RBMS3: variants seen among roughly 807,000 people sequenced by gnomAD.
RBMS3 encodes RNA binding motif single stranded interacting protein 3.
RBMS3 carries 27 observed loss-of-function variants against 66.8 expected under a neutral mutation model. The ratio of observed to expected loss-of-function variants is 0.40; its 90% CI spans 0.30 to 0.56. RBMS3 has a LOEUF of 0.56. Ranked by LOEUF, RBMS3 falls within the 20% of genes least tolerant of loss-of-function variation. The pLI, the probability that RBMS3 is intolerant of heterozygous loss-of-function variation, is 0.40. For synonymous variants in RBMS3, 188 were observed against 183.0 expected, an observed-to-expected ratio of 1.03 and a Z score of -0.22; for missense variants, 513 against 549.5, an observed-to-expected ratio of 0.93 and a Z score of 0.66.
At chr3:29,790,752 T>C (rs558020853) in intron 6 of RBMS3, among the ~76,000 whole-genome samples, 84 of 152,290 alleles carry the variant, frequency 5.5e-4, no homozygotes, top group South Asian at 2.5e-3. Flanking sequence ...GCTTTTTGAG[T>C]CAGTTATCGG....
At chr3:29,923,644 A>G (rs1291903156) in intron 10 of RBMS3, among the ~76,000 whole-genome samples, 1 of 152,208 alleles carries the variant, frequency 6.6e-6, no homozygotes, top group African/African-American at 2.4e-5. Flanking sequence ...CTGGTTCTGA[A>G]TAATTTTCTT....
At chr3:29,743,802 T>A (rs1264986737) in intron 5 of RBMS3, among the ~76,000 whole-genome samples, 2 of 151,642 alleles carry the variant, frequency 1.3e-5, no homozygotes, top group African/African-American at 2.4e-5. Flanking sequence ...TGTGCAGGTT[T>A]GTTAGATATG....
chr3:29,694,753 G>A (rs2052185868), intron 4 of RBMS3, among the ~76,000 whole-genome samples: 1 of 151,648 alleles, frequency 6.6e-6, no homozygotes. Context: ...CTAAAGAGGA[G>A]GAAGCATAAA....
chr3:29,392,974 CAGATTCACCCTGCTGAATTTTTTTT>C (rs1249196968), intron 1 of RBMS3, among the ~76,000 whole-genome samples: 1 of 152,016 alleles, frequency 6.6e-6, no homozygotes, highest in East Asian at 1.9e-4. Context: ...ATGTCAGGGT[CAGATTCACCCTGCTGAATTTTTTTT>C]CCTCCTTTCT....
chr3:29,764,746 G>A (rs1023304603), intron 6 of RBMS3, among the ~76,000 whole-genome samples: 2 of 151,974 alleles, frequency 1.3e-5, no homozygotes, highest in Non-Finnish European at 2.9e-5. Context: ...ATTTAATGCT[G>A]AAGACAAAGA....
In RBMS3 at chr3:29,527,183, A is replaced by T. The variant is rs936963310; in HGVS notation, c.307+38684A>T. ...TCAGACGTGATTGTTAGGTAGAGTAAAAAAAAAAAAAAAAAAAAAAAAAAA... is the reference window on the plus strand; with the variant it reads ...TCAGACGTGATTGTTAGGTAGAGTATAAAAAAAAAAAAAAAAAAAAAAAAA... On this transcript the variant is annotated intron_variant, in intron 3 of 14. Transcript: ENST00000383767. Among the ~76,000 whole-genome samples the T allele has an allele frequency of 5.6e-3, 229 of 40,932 alleles. 16 individuals carry two copies. Among genetic ancestry groups the T allele is most frequent in the African/African-American group, 0.017 (189 of 11,116 alleles). The allele number at this position is 40,932 out of a possible 152,430, so 26.9% of individuals were successfully genotyped here. A position where few individuals can be genotyped will look rare whatever the true frequency, so the allele number is the denominator to read the frequency against.
rs187970096 is a variant in RBMS3, at chr3:29,383,494, G to T, written c.76-51249G>T. ...TTCCATGACACTTGTAAATTGATTTGCCAAGAAGGGTAAAAAAAATCAATG... is the reference window on the plus strand; with the variant it reads ...TTCCATGACACTTGTAAATTGATTTTCCAAGAAGGGTAAAAAAAATCAATG... On this transcript the variant is annotated intron_variant, in intron 1 of 14. Coordinates refer to ENST00000383767, the MANE Select transcript of RBMS3 (RefSeq NM_001003793.3). 2.0e-5 allele frequency among the ~76,000 whole-genome samples: 3 copies of T among 152,230 alleles called. 1 individual carries two copies. Among genetic ancestry groups the T allele is most frequent in the Non-Finnish European group, 4.4e-5 (3 of 68,012 alleles).
chr3:29,457,866 A>G (rs575816734), intron 2 of RBMS3, among the ~76,000 whole-genome samples: 2 of 150,684 alleles, frequency 1.3e-5, no homozygotes, highest in South Asian at 4.2e-4. Context: ...CTCACCTCAA[A>G]TAACTATGAT....
At chr3:29,736,986 G>A (rs987949686) in intron 4 of RBMS3, among the ~76,000 whole-genome samples, 1 of 148,804 alleles carries the variant, frequency 6.7e-6, no homozygotes, top group Non-Finnish European at 1.5e-5. Flanking sequence ...AACACAAAGT[G>A]TTTTTTTTTT....
chr3:29,381,725 A>T (rs2038771946), intron 1 of RBMS3, among the ~76,000 whole-genome samples: 1 of 152,154 alleles, frequency 6.6e-6, no homozygotes, highest in African/African-American at 2.4e-5. Flanking sequence ...AGAGAGGTTT[A>T]TTTTGTTCCC....
chr3:29,874,256 G>A (rs1034251653), intron 7 of RBMS3, among the ~76,000 whole-genome samples: 1 of 152,156 alleles, frequency 6.6e-6, no homozygotes, highest in African/African-American at 2.4e-5. Flanking sequence ...TGACATTTCA[G>A]AGACATAGAA....
At chr3:29,886,140 CA>C (rs2059864396) in intron 8 of RBMS3, among the ~76,000 whole-genome samples, 1 of 151,732 alleles carries the variant, frequency 6.6e-6, no homozygotes, top group South Asian at 2.1e-4. Flanking sequence ...AATGTCATCA[CA>C]AAAAATAAAA....
intron 3 of RBMS3, among the ~76,000 whole-genome samples, chr3:29,525,318 A>C (rs1448026057): frequency 6.6e-6 from 1 of 152,100 alleles, no homozygotes; most frequent in Non-Finnish European, 1.5e-5. Context: ...CTGTGAGCAC[A>C]TTTTTTTATT....
chr3:29,945,136 G>A (rs1388498970), intron 12 of RBMS3, among the ~76,000 whole-genome samples: 1 of 151,576 alleles, frequency 6.6e-6, no homozygotes, highest in Non-Finnish European at 1.5e-5. Context: ...ATGTCAGACA[G>A]CAAGGTCATA....
chr3:29,450,465 A>G (rs953732722), intron 2 of RBMS3, among the ~76,000 whole-genome samples: 1 of 152,226 alleles, frequency 6.6e-6, no homozygotes, highest in South Asian at 2.1e-4. Context: ...AGTGCACACT[A>G]AAGTATTAAT....
At chr3:29,795,609 A>G (rs1169079097) in intron 6 of RBMS3, among the ~76,000 whole-genome samples, 1 of 152,238 alleles carries the variant, frequency 6.6e-6, no homozygotes, top group South Asian at 2.1e-4. Context: ...GAATTAATTA[A>G]TTGATAAATG....
At chr3:29,443,311 C>T (rs941376530) in intron 2 of RBMS3, among the ~76,000 whole-genome samples, 7 of 152,042 alleles carry the variant, frequency 4.6e-5, no homozygotes, top group African/African-American at 7.2e-5. Flanking sequence ...TTTATTCAAA[C>T]GTACTTATTG....
At chr3:29,718,326 T>C (rs917384061) in intron 4 of RBMS3, among the ~76,000 whole-genome samples, 3 of 152,102 alleles carry the variant, frequency 2.0e-5, no homozygotes, top group Non-Finnish European at 4.4e-5. Flanking sequence ...AAAATGATAC[T>C]GCTTTTTTTT....
At chr3:29,285,928 T>G (rs1344250924) in intron 1 of RBMS3, among the ~76,000 whole-genome samples, 1 of 152,134 alleles carries the variant, frequency 6.6e-6, no homozygotes, top group Non-Finnish European at 1.5e-5. Flanking sequence ...CATGAAAATG[T>G]AGAAAATCTT....
Sources: gnomAD v4.1 joint callset for allele counts (sites outside exome capture counted in the v4.1 genomes callset) on GRCh38, gnomAD v4.1.1 for gene constraint, MANE v1.5 for transcripts, NCBI Gene and HGNC (gene_info 2026-07-23, HGNC 2026-07-21) for gene names.